The following CCDC148 variants were observed in gnomAD, a reference collection of about 807,000 sequenced individuals.
The protein encoded by CCDC148 is coiled-coil domain-containing protein 148.
A neutral mutation model predicts 85.7 loss-of-function variants in CCDC148; 89 were observed. That is an observed-to-expected ratio of 1.04 (90% CI 0.87 to 1.24). The LOEUF is 1.24. CCDC148 is among the 50% of genes most tolerant of loss of function. The pLI is 0.00. For missense variants in CCDC148, 692 were observed against 671.7 expected, an observed-to-expected ratio of 1.03 and a Z score of -0.33; for synonymous variants, 230 against 213.9, an observed-to-expected ratio of 1.08 and a Z score of -0.66.
chr2:158,300,065 A>T (rs2105198118), intron 9 of CCDC148, among the ~76,000 whole-genome samples: 2 of 152,332 alleles, frequency 1.3e-5, no homozygotes, highest in Middle Eastern at 6.8e-3. Context: ...TTTTATGGGT[A>T]GTCAGGTTTT....
At chr2:158,422,949 G>A (rs1484646412) in intron 1 of CCDC148, among the ~76,000 whole-genome samples, 2 of 151,956 alleles carry the variant, frequency 1.3e-5, no homozygotes, top group African/African-American at 2.4e-5. Context: ...AACAAACAGA[G>A]AGCCAAATCA....
intron 9 of CCDC148, among the ~76,000 whole-genome samples, chr2:158,302,079 C>T (rs2105200377): frequency 6.6e-6 from 1 of 152,246 alleles, no homozygotes; most frequent in African/African-American, 2.4e-5. Context: ...CATCACATTT[C>T]TAAAGTAGTT....
intron 7 of CCDC148, among the ~76,000 whole-genome samples, chr2:158,325,180 C>T (rs1044402785): frequency 6.6e-5 from 10 of 151,906 alleles, no homozygotes; most frequent in Admixed American, 1.3e-4. Context: ...GTTATCTGTA[C>T]ACATCATCTT....
At chr2:158,383,291 T>C (rs1351758756) in intron 1 of CCDC148, among the ~76,000 whole-genome samples, 2 of 151,920 alleles carry the variant, frequency 1.3e-5, no homozygotes, top group Non-Finnish European at 2.9e-5. Context: ...CACTCAAGCC[T>C]GCGTGACAGA....
intron 5 of CCDC148, among the ~76,000 whole-genome samples, chr2:158,339,943 C>A (rs1452566447): frequency 6.6e-6 from 1 of 152,224 alleles, no homozygotes; most frequent in Admixed American, 6.5e-5. Flanking sequence ...ATGACTTAAT[C>A]CCCCTGTGCT....
Position 158,250,775 on chromosome 2 carries a change from T to C in CCDC148, c.1248A>G (p.Lys416=), listed in dbSNP as rs770636331. 14 of 1,546,642 alleles carry C rather than the reference T, an allele frequency of 9.1e-6. No individual in the cohort carries two copies. The highest frequency in any genetic ancestry group is 1.1e-5 in the Non-Finnish European group (13 of 1,149,330). The change falls in exon 10 of 14, where the codon AAA becomes AAG. Residue 416 remains lysine, a synonymous_variant. Coordinates refer to ENST00000283233, the MANE Select transcript of CCDC148 (RefSeq NM_138803.4). Reference sequence around the variant, plus strand: ...GTATTGACAATAGATTTTTTACTTTTTTTTTCTTCTCTGCTCTTTGCAACA... The same window carrying C: ...GTATTGACAATAGATTTTTTACTTTCTTTTTCTTCTCTGCTCTTTGCAACA... ...KELLQRAEKK[K]KIKKYWAKKK...
intron 9 of CCDC148, among the ~76,000 whole-genome samples, chr2:158,253,025 A>AT (rs895802231): frequency 2.2e-4 from 33 of 151,614 alleles, no homozygotes; most frequent in Non-Finnish European, 4.3e-4. Context: ...GGTAGTTTGG[A>AT]TTTTTTTTAT....
At chr2:158,224,579 A>T (rs900699541) in intron 10 of CCDC148, among the ~76,000 whole-genome samples, 5 of 152,232 alleles carry the variant, frequency 3.3e-5, no homozygotes, top group African/African-American at 1.2e-4. Flanking sequence ...CCACAAAGGG[A>T]AGCCCATAAG....
rs189608399 is a variant in CCDC148 at position 158,238,048 on chromosome 2, G to A, written c.1251+12724C>T. On this transcript the variant is annotated intron_variant, in intron 10 of 13. Coordinates refer to ENST00000283233, the MANE Select transcript of CCDC148 (RefSeq NM_138803.4). ...TTGGCAAGTGCGACATTGCTGGAGCGGAGGGACAAAATGGTTCAAGAGGGA... is the reference window on the plus strand; with the variant it reads ...TTGGCAAGTGCGACATTGCTGGAGCAGAGGGACAAAATGGTTCAAGAGGGA... Among the ~76,000 whole-genome samples the A allele has an allele frequency of 5.0e-3, 729 of 144,448 alleles. 2 individuals carry two copies. The highest frequency in any genetic ancestry group is 0.019 in the African/African-American group (656 of 34,654). The allele number at this position is 144,448 out of a possible 152,430, so 94.8% of individuals were successfully genotyped here.
chr2:158,324,196 C>T lies in CCDC148; in HGVS notation c.765-10302G>A, dbSNP rs1017961174. Among the ~76,000 whole-genome samples the T allele has an allele frequency of 7.9e-5, 12 of 152,038 alleles. 1 individual carries two copies. The highest frequency in any genetic ancestry group is 2.9e-4 in the African/African-American group (12 of 41,408). ...CCTCCCACAGTGCTGAGATTACAGA[C>T]ATGAGCCACTGCACCTGGCCCAGGA... On this transcript the variant is annotated intron_variant, in intron 7 of 13. Coordinates refer to ENST00000283233, the MANE Select transcript of CCDC148 (RefSeq NM_138803.4).
rs768043397 is a variant in CCDC148, at chr2:158,348,741, T to A, written c.148-3423A>T. ...GAAACAAGGGCCAAAAGTTGATCAT[T>A]GTTGAAGCTGAATGATGTGACATGG... On this transcript the variant is annotated intron_variant, in intron 2 of 13. Coordinates refer to ENST00000283233, the MANE Select transcript of CCDC148 (RefSeq NM_138803.4). Among the ~76,000 whole-genome samples, 29 of 152,034 alleles carry A rather than the reference T, an allele frequency of 1.9e-4. 1 individual carries two copies. Among genetic ancestry groups the A allele is most frequent in the Non-Finnish European group, 3.7e-4 (25 of 67,904 alleles).
chr2:158,253,088 G>A (rs571024593), intron 9 of CCDC148, among the ~76,000 whole-genome samples: 3 of 151,544 alleles, frequency 2.0e-5, no homozygotes, highest in Admixed American at 6.6e-5. Flanking sequence ...CATCTGACTT[G>A]GAAGCTCATA....
At chr2:158,266,253 T>C (rs1689447697) in intron 9 of CCDC148, among the ~76,000 whole-genome samples, 1 of 151,938 alleles carries the variant, frequency 6.6e-6, no homozygotes, top group African/African-American at 2.4e-5. Context: ...TGACAGGTGG[T>C]GGTTGGGACT....
chr2:158,408,569 T>G (rs1000859463), intron 1 of CCDC148, among the ~76,000 whole-genome samples: 5 of 152,054 alleles, frequency 3.3e-5, no homozygotes, highest in African/African-American at 1.2e-4. Context: ...ATGTCTTTCT[T>G]TTTTAAGGAT....
intron 9 of CCDC148, among the ~76,000 whole-genome samples, chr2:158,301,140 T>C (rs1414382764): frequency 6.6e-6 from 1 of 152,180 alleles, no homozygotes; most frequent in Middle Eastern, 3.2e-3. Flanking sequence ...ATTACATATA[T>C]GAGCCACTGT....
intron 9 of CCDC148, among the ~76,000 whole-genome samples, chr2:158,276,266 A>G (rs554002822): frequency 6.6e-6 from 1 of 152,226 alleles, no homozygotes; most frequent in African/African-American, 2.4e-5. Context: ...CCCTGTCTCT[A>G]CTAAAAATAC....
chr2:158,187,045 TTTA>T (rs1237741844), intron 11 of CCDC148, among the ~76,000 whole-genome samples: 1 of 151,998 alleles, frequency 6.6e-6, no homozygotes, highest in Non-Finnish European at 1.5e-5. Context: ...TCCAGAATTA[TTTA>T]TTCTCTCCCC....
At chr2:158,436,090 T>C (rs1226142177) in intron 1 of CCDC148, among the ~76,000 whole-genome samples, 1 of 152,150 alleles carries the variant, frequency 6.6e-6, no homozygotes, top group Non-Finnish European at 1.5e-5. Flanking sequence ...TTAACAAGGA[T>C]ACCCAGGAAT....
At chr2:158,196,628 G>A (rs986589447) in intron 11 of CCDC148, among the ~76,000 whole-genome samples, 2 of 152,076 alleles carry the variant, frequency 1.3e-5, no homozygotes, top group East Asian at 1.9e-4. Flanking sequence ...CTCAAGCCAA[G>A]GCCTGTGGAA....
Sources: gnomAD v4.1 joint callset for allele counts (sites outside exome capture counted in the v4.1 genomes callset) on GRCh38, gnomAD v4.1.1 for gene constraint, MANE v1.5 for transcripts, NCBI Gene and HGNC (gene_info 2026-07-23, HGNC 2026-07-21) for gene names.